The following MICAL3 variants were observed in gnomAD, a reference collection of about 807,000 sequenced individuals.
MICAL3 encodes [F-actin]-monooxygenase MICAL3.
In MICAL3, 62 loss-of-function variants were observed where a neutral mutation model predicts 207.4. The ratio of observed to expected loss-of-function variants is 0.30; its 90% confidence interval spans 0.24 to 0.37. The LOEUF is 0.37. MICAL3 is among the 10% of genes least tolerant of loss of function. The pLI is 1.00. For synonymous variants in MICAL3, 1,077 were observed against 1,069.3 expected (o/e 1.01, Z -0.14); for missense variants, 2,368 against 2,635.6 (o/e 0.90, Z 2.22).
intron 29 of MICAL3, among the ~76,000 whole-genome samples, chr22:17,794,485 A>G (rs1041938801): frequency 4.2e-4 from 64 of 152,254 alleles, no homozygotes; most frequent in Non-Finnish European, 7.5e-4. Flanking sequence ...ACGGGCCTCC[A>G]GGACGCTCAC....
chr22:17,801,899 A>C (rs1390058927), intron 29 of MICAL3, among the ~76,000 whole-genome samples: 1 of 151,952 alleles, frequency 6.6e-6, no homozygotes, highest in East Asian at 1.9e-4. Flanking sequence ...ATCTCAAAAA[A>C]AACAAACAAA....
At chr22:17,812,361 G>T in intron 27 of MICAL3, 2 of 203,570 alleles carry the variant, frequency 9.8e-6, no homozygotes, top group Non-Finnish European at 1.7e-5. Flanking sequence ...GTGGCTAACG[G>T]AAGTACTGCT....
chr22:17,798,673 CTT>C (rs375673869), intron 29 of MICAL3, among the ~76,000 whole-genome samples: 13 of 130,644 alleles, frequency 1.0e-4, no homozygotes, highest in Non-Finnish European at 9.6e-5. Context: ...GGAGCAATGC[CTT>C]TTTTTTTTTT....
At chr22:17,906,465 G>A in intron 2 of MICAL3, 84 bp downstream of exon 2, 1 of 1,607,604 alleles carries the variant, frequency 6.2e-7, no homozygotes, top group Non-Finnish European at 8.5e-7. Context: ...GATCATATAT[G>A]GTGAATGGCC....
intron 1 of MICAL3, among the ~76,000 whole-genome samples, chr22:17,972,159 T>C (rs1254940091): frequency 1.3e-5 from 2 of 152,238 alleles, no homozygotes; most frequent in Non-Finnish European, 1.5e-5. Context: ...CAAGGTACTG[T>C]TAAAATCTTG....
chr22:17,810,270 A>G (rs187834492), intron 28 of MICAL3, among the ~76,000 whole-genome samples: 176 of 151,996 alleles, frequency 1.2e-3, no homozygotes, highest in East Asian at 3.3e-3. Flanking sequence ...TCACCGTGTT[A>G]GCCAGGATGG....
intron 19 of MICAL3, among the ~76,000 whole-genome samples, chr22:17,857,260 G>C (rs924447920): frequency 6.6e-6 from 1 of 152,146 alleles, no homozygotes; most frequent in African/African-American, 2.4e-5. Context: ...CCTGAGCTCC[G>C]CCTCCTGTCA....
rs1556037316 is a variant in MICAL3 at position 17,866,601 on chromosome 22, C to CATAGA, written c.2429-594_2429-590dup. 6.8e-5 allele frequency among the ~76,000 whole-genome samples: 5 copies of CATAGA among 73,578 alleles called. No homozygotes were observed. In the South Asian group the frequency reaches 2.3e-3, roughly 34 times the overall value. 48.3% of individuals were successfully genotyped at this position (73,578 alleles called of 152,430 possible). A position where few individuals can be genotyped will look rare whatever the true frequency, so the allele number is the denominator to read the frequency against. ...CTATGAGTAGGATGGAAGGGAACAG[C>CATAGA]ATAGAACAGAACAGAATAGAATAGA... On this transcript the variant is annotated intron_variant, in intron 17 of 31. Coordinates refer to ENST00000441493, the MANE Select transcript of MICAL3 (RefSeq NM_015241.3).
At chr22:17,976,587 A>ATTTTTT (rs1204825142) in intron 1 of MICAL3, among the ~76,000 whole-genome samples, 2 of 80,304 alleles carry the variant, frequency 2.5e-5, no homozygotes, top group African/African-American at 5.8e-5. Flanking sequence ...ATATATATAT[A>ATTTTTT]TATTTTTTTT....
chr22:17,866,374 T>C (rs964463503), intron 17 of MICAL3, among the ~76,000 whole-genome samples: 31 of 152,154 alleles, frequency 2.0e-4, no homozygotes, highest in African/African-American at 4.1e-4. Context: ...GGGAGTAGCA[T>C]TGCTGGGGAA....
At chr22:17,946,082 G>T (rs183249326) in intron 1 of MICAL3, among the ~76,000 whole-genome samples, 12 of 152,272 alleles carry the variant, frequency 7.9e-5, no homozygotes, top group Admixed American at 5.9e-4. Context: ...TGGCAAGCAG[G>T]TACAGATGAC....
At chr22:17,873,695 C>A (rs1223076059) in intron 16 of MICAL3, among the ~76,000 whole-genome samples, 2 of 152,250 alleles carry the variant, frequency 1.3e-5, no homozygotes, top group East Asian at 3.8e-4. Context: ...CCAACTCAAG[C>A]CTCTTTCTGG....
chr22:17,998,607 G>C (rs984063697), intron 1 of MICAL3, among the ~76,000 whole-genome samples: 3 of 150,438 alleles, frequency 2.0e-5, no homozygotes, highest in Non-Finnish European at 4.4e-5. Flanking sequence ...CCAGGCTGGA[G>C]AGCAGTGGCG....
At chr22:17,860,749 G>A in intron 19 of MICAL3, 11 of 985,378 alleles carry the variant, frequency 1.1e-5, no homozygotes, top group South Asian at 4.7e-5. Flanking sequence ...TTTCTTGGGG[G>A]TGTGCTGCCC....
chr22:17,974,430 G>A (rs1935544939), intron 1 of MICAL3, among the ~76,000 whole-genome samples: 1 of 152,234 alleles, frequency 6.6e-6, no homozygotes, highest in African/African-American at 2.4e-5. Flanking sequence ...AGCTGTGTGA[G>A]GCCAGGTGTG....
At chr22:17,904,518 A>AT (rs1931572900) in intron 3 of MICAL3, 114 bp downstream of exon 3, 1 of 802,910 alleles carries the variant, frequency 1.2e-6, no homozygotes, top group African/African-American at 1.7e-5. Flanking sequence ...CAGTAATGAG[A>AT]TTAGAAGAAA....
intron 1 of MICAL3, among the ~76,000 whole-genome samples, chr22:17,951,750 G>A (rs1420986428): frequency 6.6e-6 from 1 of 150,976 alleles, no homozygotes; most frequent in Non-Finnish European, 1.5e-5. Context: ...AAGCTTGAGT[G>A]CAGTGGCGCG....
At chr22:17,862,278 T>TG (rs1926604227) in intron 19 of MICAL3, 3 of 970,654 alleles carry the variant, frequency 3.1e-6, no homozygotes, top group South Asian at 4.8e-5. Context: ...TTTTTTTAGA[T>TG]GGAGTCTTGC....
chr22:17,827,463 C>T (rs421176), intron 22 of MICAL3, among the ~76,000 whole-genome samples, 181 bp downstream of exon 22: 145,940 of 152,306 alleles, frequency 0.96, 69,979 homozygotes, highest in East Asian at 1. Context: ...CAGAGAACTT[C>T]ACATATCCTC....
Sources: allele counts gnomAD v4.1 joint callset (sites outside exome capture counted in the v4.1 genomes callset), GRCh38; gene constraint gnomAD v4.1.1; transcripts MANE v1.5; gene names NCBI Gene and HGNC (gene_info 2026-07-23, HGNC 2026-07-21).